NSD1: variants seen among roughly 807,000 people sequenced by gnomAD.
NSD1 encodes nuclear receptor binding SET domain protein 1.
NSD1 carries 26 observed loss-of-function variants against 242.7 expected under a neutral mutation model. The ratio of observed to expected loss-of-function variants is 0.11; its 90% CI spans 0.08 to 0.15. The LOEUF is 0.15. Among genes scored for constraint, NSD1 ranks in the 10% least tolerant of loss-of-function variants. The pLI is 1.00. For synonymous variants in NSD1, 1,106 were observed against 1,178.1 expected (o/e 0.94, Z 1.25); for missense variants, 2,495 against 3,272.8 (o/e 0.76, Z 5.80).
At chr5:177,175,334 A>G (rs1333853566) in intron 2 of NSD1, among the ~76,000 whole-genome samples, 1 of 152,182 alleles carries the variant, frequency 6.6e-6, no homozygotes, top group Non-Finnish European at 1.5e-5. Flanking sequence ...TGTTACAGAC[A>G]GTCTTTTTGA....
intron 2 of NSD1, among the ~76,000 whole-genome samples, chr5:177,163,654 C>T (rs1758940363): frequency 6.6e-6 from 1 of 152,146 alleles, no homozygotes; most frequent in African/African-American, 2.4e-5. Context: ...ATCCATAATT[C>T]TCTTAGTTAA....
intron 2 of NSD1, among the ~76,000 whole-genome samples, chr5:177,174,311 G>A (rs1447828801): frequency 6.6e-6 from 1 of 152,092 alleles, no homozygotes; most frequent in Non-Finnish European, 1.5e-5. Context: ...CCGAGATCGC[G>A]CCACTGCACT....
chr5:177,274,697 TTGTGTGTGTGTGTG>T (rs138385964), intron 17 of NSD1, among the ~76,000 whole-genome samples: 10 of 145,444 alleles, frequency 6.9e-5, no homozygotes, highest in Admixed American at 1.4e-4. Context: ...CACTTATCCT[TTGTGTGTGTGTGTG>T]TGTGTGTGTG....
At chr5:177,253,730 T>A (rs932708376) in intron 12 of NSD1, among the ~76,000 whole-genome samples, 1 of 151,900 alleles carries the variant, frequency 6.6e-6, no homozygotes, top group Non-Finnish European at 1.5e-5. Context: ...CCTCCCAGGC[T>A]CAAGCTATCC....
At chr5:177,207,844 A>G (rs1411510271) in intron 4 of NSD1, among the ~76,000 whole-genome samples, 1 of 151,714 alleles carries the variant, frequency 6.6e-6, no homozygotes, top group Non-Finnish European at 1.5e-5. Flanking sequence ...CTGGGCACAA[A>G]TGATCCTCCT....
chr5:177,244,172 G>T, intron 8 of NSD1, 23 bp from the exon 9 acceptor site: 1 of 1,541,000 alleles, frequency 6.5e-7, no homozygotes, highest in East Asian at 2.2e-5. Context: ...TCTGTAAATG[G>T]TGTTGTTTTC....
At chr5:177,241,492 G>A (rs547086704) in intron 8 of NSD1, among the ~76,000 whole-genome samples, 9 of 151,626 alleles carry the variant, frequency 5.9e-5, no homozygotes, top group African/African-American at 1.9e-4. Context: ...GCGACAGAGC[G>A]AGACTCTCTC....
At position 177,175,460 on chromosome 5, in the gene NSD1, T is replaced by TA. The variant is rs935347784; in HGVS notation, c.928-16413dup. On this transcript the variant is annotated intron_variant, in intron 2 of 22. Transcript: ENST00000439151. Reference sequence around the variant, plus strand: ...CGGCAACATGGCAAAACCTCATCTCTAAAAAAAAAAATTTTAAATTTAGCC... The same window carrying TA: ...CGGCAACATGGCAAAACCTCATCTCTAAAAAAAAAAAATTTTAAATTTAGCC... Among the ~76,000 whole-genome samples the TA allele has an allele frequency of 4.4e-3, 653 of 147,976 alleles. 8 individuals carry two copies. The highest frequency in any genetic ancestry group is 0.015 in the African/African-American group (605 of 40,524).
At chr5:177,225,950 A>G (rs1014004256) in intron 5 of NSD1, among the ~76,000 whole-genome samples, 3 of 152,224 alleles carry the variant, frequency 2.0e-5, no homozygotes, top group Admixed American at 6.5e-5. Context: ...CAAATTCAAC[A>G]GTATATATAC....
intron 5 of NSD1, among the ~76,000 whole-genome samples, chr5:177,232,295 G>A (rs1369841980): frequency 6.6e-6 from 1 of 152,180 alleles, no homozygotes. Flanking sequence ...TGGTAGTGCC[G>A]ATTATATAAT....
intron 21 of NSD1, 68 bp from the exon 22 acceptor site, chr5:177,291,886 A>T: frequency 7.3e-7 from 1 of 1,372,806 alleles, no homozygotes; most frequent in Non-Finnish European, 1.0e-6. Flanking sequence ...CAGAGAGGGT[A>T]GTTAACCCGG....
chr5:177,293,796 T>G (rs777021241), intron 22 of NSD1, 36 bp from the exon 23 acceptor site: 4 of 1,612,622 alleles, frequency 2.5e-6, no homozygotes, highest in Non-Finnish European at 3.4e-6. Flanking sequence ...TGTATCTCTT[T>G]TTTCCTAAAC....
chr5:177,208,023 C>G (rs1043248085), intron 4 of NSD1, among the ~76,000 whole-genome samples: 1 of 152,020 alleles, frequency 6.6e-6, no homozygotes, highest in Admixed American at 6.6e-5. Context: ...CTCAGCCTCT[C>G]AAAGTCCTGG....
intron 10 of NSD1, chr5:177,247,791 C>A: frequency 4.4e-6 from 2 of 452,446 alleles, no homozygotes; most frequent in Non-Finnish European, 5.8e-6. Flanking sequence ...CAGCATCACA[C>A]ATTATGATGC....
intron 2 of NSD1, among the ~76,000 whole-genome samples, chr5:177,146,948 A>C (rs1757297410): frequency 6.6e-6 from 1 of 151,452 alleles, no homozygotes; most frequent in Non-Finnish European, 1.5e-5. Context: ...CGGAAGTTGC[A>C]GTGAGCTGAG....
rs765489166 is a variant in NSD1 at position 177,209,887 on chromosome 5, A to G, written c.1488A>G (p.Lys496=). ...SADEKEKPCA[K]SRARKSSDNP... is the part of the protein sequence containing the mutation. ...ATGAGAAGGAAAAGCCTTGCGCTAAATCTCGAGCCAGAAAGAGCTCTGATA... is the reference window on the plus strand; with the variant it reads ...ATGAGAAGGAAAAGCCTTGCGCTAAGTCTCGAGCCAGAAAGAGCTCTGATA... Residue 496 remains lysine (K), a synonymous_variant, in exon 5 of 23, where the codon AAA becomes AAG. Coordinates refer to ENST00000439151, the MANE Select transcript of NSD1 (RefSeq NM_022455.5). The G allele has an allele frequency of 1.2e-6, 2 of 1,614,190 alleles. No homozygotes were observed. Among genetic ancestry groups the G allele is most frequent in the Admixed American group, 1.7e-5 (1 of 60,024 alleles).
intron 2 of NSD1, among the ~76,000 whole-genome samples, chr5:177,162,191 G>A (rs866512551): frequency 2.6e-5 from 4 of 151,764 alleles, no homozygotes; most frequent in Admixed American, 6.6e-5. Flanking sequence ...CCAGCTACTC[G>A]GGAGGCTGAG....
Position 177,298,191 on chromosome 5 carries a change from C to A in NSD1, c.*2732C>A, listed in dbSNP as rs1271026491. On this transcript the variant is annotated 3_prime_UTR_variant, in exon 23 of 23. Transcript: ENST00000439151. ...ACGTCCCCTGAAGTTTGTAATAAGA[C>A]CCCTTTTCCAAAGGGATGTGAATTG... The A allele has an allele frequency of 8.6e-6, 2 of 233,100 alleles. No individual in the cohort carries two copies. The highest frequency in any genetic ancestry group is 1.7e-5 in the Non-Finnish European group (2 of 118,050). The allele number at this position is 233,100 out of a possible 1,614,324, so 14.4% of individuals were successfully genotyped here.
At chr5:177,209,528 C>CCA in intron 4 of NSD1, 108 bp from the exon 5 acceptor site, 2 of 579,700 alleles carry the variant, frequency 3.5e-6, no homozygotes, top group African/African-American at 7.5e-5. Flanking sequence ...GACTCTGTCT[C>CCA]AAAAAAAAAA....
Sources: gnomAD v4.1 joint callset for allele counts (sites outside exome capture counted in the v4.1 genomes callset) on GRCh38, gnomAD v4.1.1 for gene constraint, MANE v1.5 for transcripts, NCBI Gene and HGNC (gene_info 2026-07-23, HGNC 2026-07-21) for gene names.